TMEM223: variants seen among roughly 807,000 people sequenced by gnomAD.
The protein encoded by TMEM223 is transmembrane protein 223.
TMEM223 carries 14 observed loss-of-function variants against 14.1 expected under a neutral mutation model. The observed-to-expected ratio is 0.99, with a 90% CI of 0.66 to 1.55. The LOEUF is 1.55. Ranked by LOEUF, TMEM223 falls within the 40% of genes most tolerant of loss-of-function variation. TMEM223 has a pLI of 0.00. For synonymous variants in TMEM223, 145 were observed against 120.5 expected, an observed-to-expected ratio of 1.20 and a Z score of -1.33; for missense variants, 346 against 269.9, an observed-to-expected ratio of 1.28 and a Z score of -1.97.
intron 1 of TMEM223, chr11:62,775,688 G>A: frequency 1.2e-5 from 17 of 1,441,048 alleles, no homozygotes; most frequent in Non-Finnish European, 1.6e-5. Context: ...GAGCAGCAAG[G>A]CTGGTGTGGA....
At chr11:62,785,831 G>C (rs2084269484), downstream of TMEM223, among the ~76,000 whole-genome samples, 1 of 152,240 alleles carries the variant, frequency 6.6e-6, no homozygotes, top group African/African-American at 2.4e-5. Flanking sequence ...CACAGCGCCT[G>C]TCCAATCACA....
At chr11:62,782,472 G>T in intron 1 of TMEM223, 1 of 1,056,552 alleles carries the variant, frequency 9.5e-7, no homozygotes, top group East Asian at 2.5e-5. Flanking sequence ...CCTAGCTGGT[G>T]TGCTGTGACA....
At chr11:62,789,231 G>T (rs12418135), downstream of TMEM223, 37,697 of 1,613,884 alleles carry the variant, frequency 0.023, 573 homozygotes, top group Non-Finnish European at 0.027. Flanking sequence ...AACCCTGAGG[G>T]CCAGGGGCTG....
chr11:62,790,715 C>G lies in TMEM223; in HGVS notation c.517G>C (p.Gly173Arg). The change falls in exon 2 of 2, where the codon GGC (glycine) becomes CGC (arginine). Residue 173 changes from glycine (G) to arginine (R), a missense_variant. Transcript: ENST00000307366. ...VPAMLPLKVK[G>R]RRFYFLLDKT... ...TCCAAGAGGAAATAGAAGCGTCGGC[C>G]TTTGACTTTCAGAGGTAGCATGGCA... 6.2e-7 allele frequency: 1 copy of G among 1,611,628 alleles called. No individual in the cohort carries two copies. Among genetic ancestry groups the G allele is most frequent in the Non-Finnish European group, 8.5e-7 (1 of 1,178,856 alleles).
intron 1 of TMEM223, chr11:62,778,028 G>A: frequency 6.2e-7 from 1 of 1,614,190 alleles, no homozygotes. Flanking sequence ...GCCCCGCCAG[G>A]GAGGGTGAAC....
At chr11:62,787,592 T>C, downstream of TMEM223, 1 of 1,443,280 alleles carries the variant, frequency 6.9e-7, no homozygotes, top group Non-Finnish European at 9.1e-7. Context: ...GCGAGGCCAC[T>C]TTCGCTTTCC....
At chr11:62,778,254 AG>A in intron 1 of TMEM223, 3 of 1,614,172 alleles carry the variant, frequency 1.9e-6, no homozygotes, top group Non-Finnish European at 2.5e-6. Context: ...GCAAAACGCC[AG>A]GCTGACACAT....
exon 3 of TMEM223, chr11:62,772,009 G>T (rs1037919730): frequency 9.1e-6 from 4 of 441,842 alleles, no homozygotes; most frequent in Non-Finnish European, 1.4e-5. Context: ...CCTGAATGCG[G>T]TATAGAGTAA....
At chr11:62,782,923 G>A (rs1565189418), downstream of TMEM223, 1 of 1,518,024 alleles carries the variant, frequency 6.6e-7, no homozygotes, top group Non-Finnish European at 8.9e-7. Flanking sequence ...GTGTGTGCCT[G>A]CCACTGCCAT....
intron 1 of TMEM223, chr11:62,778,850 C>T (rs773524468): frequency 1.6e-5 from 25 of 1,611,486 alleles, no homozygotes; most frequent in African/African-American, 9.4e-5. Context: ...GTCCCTGCTT[C>T]CTGCCTGTCC....
intron 1 of TMEM223, among the ~76,000 whole-genome samples, chr11:62,781,241 A>G (rs935302006): frequency 2.4e-4 from 34 of 140,916 alleles, no homozygotes; most frequent in African/African-American, 8.9e-4. Context: ...ATCTCAAAGA[A>G]AAAAAAAAAA....
intron 2 of TMEM223, among the ~76,000 whole-genome samples, chr11:62,773,139 C>G (rs1181145036): frequency 1.4e-5 from 2 of 145,860 alleles, no homozygotes; most frequent in African/African-American, 5.1e-5. Context: ...CCATGCCTGG[C>G]CTATAATTAC....
chr11:62,789,634 C>T, downstream of TMEM223: 1 of 1,550,558 alleles, frequency 6.4e-7, no homozygotes, highest in Non-Finnish European at 8.7e-7. Context: ...CATGGACACC[C>T]CCTGGAACTG....
chr11:62,790,096 C>T lies in TMEM223; in HGVS notation c.*527G>A. 6.6e-7 allele frequency: 1 copy of T among 1,516,592 alleles called. No homozygotes were observed. Among genetic ancestry groups the T allele is most frequent in the South Asian group, 1.3e-5 (1 of 76,748 alleles). The allele number at this position is 1,516,592 out of a possible 1,614,324, so 93.9% of individuals were successfully genotyped here. On this transcript the variant is annotated 3_prime_UTR_variant, in exon 2 of 2. Transcript: ENST00000307366. The stretch of plus-strand genomic sequence containing the variant: ...AGCCGAAGACTCCATGCCCAAGTGC[C>T]TGTAATCCCCCCCCTCAAGGCCCTG...
downstream of TMEM223, chr11:62,787,738 G>C (rs1379588887): frequency 1.5e-6 from 1 of 682,718 alleles, no homozygotes; most frequent in African/African-American, 1.8e-5. Context: ...TTGTCCCCTC[G>C]CCAAAGGGAC....
chr11:62,786,388 G>T, downstream of TMEM223: 1 of 1,613,366 alleles, frequency 6.2e-7, no homozygotes, highest in Non-Finnish European at 8.5e-7. Context: ...GAGCCATTCT[G>T]GTGAGTACCG....
chr11:62,787,601 C>G (rs116023645), downstream of TMEM223: 60 of 1,437,096 alleles, frequency 4.2e-5, no homozygotes, highest in African/African-American at 7.4e-4. Context: ...CTTTCGCTTT[C>G]CGACCGGGCT....
chr11:62,781,762 G>C, intron 1 of TMEM223: 2 of 780,274 alleles, frequency 2.6e-6, no homozygotes, highest in Non-Finnish European at 4.4e-6. Flanking sequence ...AAATAGAATT[G>C]CTAGATCAAA....
In TMEM223 at chr11:62,791,749, T is replaced by TG; in HGVS notation, c.245dup (p.Asn83LysfsTer80). ...AGCGCAGGTCGAAGGGGCCACGATT[T>TG]GGGACCTCCGCATCCAGAGGCTGCA... On this transcript the variant is annotated frameshift_variant, in exon 1 of 2. Coordinates refer to ENST00000307366, the MANE Select transcript of TMEM223 (RefSeq NM_001080501.3). LOFTEE classifies it high-confidence loss of function. 2 of 1,563,528 alleles carry TG rather than the reference T, an allele frequency of 1.3e-6. No individual in the cohort carries two copies. The highest frequency in any genetic ancestry group is 1.7e-6 in the Non-Finnish European group (2 of 1,154,518).
Sources: allele counts gnomAD v4.1 joint callset (sites outside exome capture counted in the v4.1 genomes callset), GRCh38; gene constraint gnomAD v4.1.1; transcripts MANE v1.5; gene names NCBI Gene and HGNC (gene_info 2026-07-23, HGNC 2026-07-21).